Variants in FAM153A observed in about 807,000 individuals in gnomAD.
The protein encoded by FAM153A is protein FAM153A.
Under a neutral mutation model 48.1 loss-of-function variants are expected in FAM153A, and 12 were observed. The observed-to-expected ratio is 0.25, with a 90% CI of 0.16 to 0.40. FAM153A has a LOEUF of 0.40. FAM153A is among the 10% of genes least tolerant of loss of function. FAM153A has a pLI of 1.00. For missense variants in FAM153A, 111 were observed against 345.8 expected, an observed-to-expected ratio of 0.32 and a Z score of 5.38; for synonymous variants, 36 against 118.2, an observed-to-expected ratio of 0.30 and a Z score of 4.51.
chr5:177,753,488 G>C (rs1266951943), upstream of FAM153A, among the ~76,000 whole-genome samples: 2 of 149,138 alleles, frequency 1.3e-5, no homozygotes, highest in African/African-American at 5.0e-5. Context: ...AACATTAAAG[G>C]AGGAAAAAGA....
the FAM153A span, among the ~76,000 whole-genome samples, chr5:177,698,855 G>A: frequency 1.5e-4 from 23 of 151,762 alleles, no homozygotes; most frequent in Non-Finnish European, 2.8e-4. Flanking sequence ...ATGGGCTTTC[G>A]CCATGTTGCC....
chr5:177,696,780 C>T, the FAM153A span, among the ~76,000 whole-genome samples: 1 of 151,670 alleles, frequency 6.6e-6, no homozygotes, highest in Non-Finnish European at 1.5e-5. Flanking sequence ...GATCCTCCCA[C>T]CTCAACCTCC....
intron 2 of FAM153A, chr5:177,750,298 C>G (rs1025515405): frequency 6.5e-6 from 1 of 154,440 alleles, no homozygotes; most frequent in African/African-American, 2.4e-5. Context: ...ATTATTCCGT[C>G]AGGGTGACAA....
downstream of FAM153A, chr5:177,718,616 T>G (rs1232922271): frequency 1.5e-5 from 2 of 133,314 alleles, no homozygotes; most frequent in African/African-American, 5.3e-5. Flanking sequence ...TTAATAAAAT[T>G]AAGAAAAAAT....
chr5:177,701,572 T>C, the FAM153A span, among the ~76,000 whole-genome samples: 1 of 138,934 alleles, frequency 7.2e-6, no homozygotes, highest in African/African-American at 2.7e-5. Context: ...CAAAAATAAA[T>C]AGATAAATTT....
At chr5:177,769,948 A>C (rs565066291) in intron 1 of FAM153A, among the ~76,000 whole-genome samples, 1 of 96,394 alleles carries the variant, frequency 1.0e-5, no homozygotes, top group South Asian at 3.8e-4. Context: ...TGCTGCCAGA[A>C]TGTTCCAATG....
chr5:177,718,576 C>T (rs1383533641), downstream of FAM153A: 4 of 134,628 alleles, frequency 3.0e-5, 1 homozygote, highest in Non-Finnish European at 5.1e-5. Context: ...AAATGATCAT[C>T]GTAAGACATT....
chr5:177,715,505 C>T (rs1199698583), intron 25 of FAM153A, among the ~76,000 whole-genome samples: 10 of 151,446 alleles, frequency 6.6e-5, no homozygotes, highest in Non-Finnish European at 1.5e-4. Flanking sequence ...TTAAGGCTGA[C>T]CTACAGATAG....
the FAM153A span, among the ~76,000 whole-genome samples, chr5:177,696,051 C>T: frequency 1.4e-5 from 2 of 142,758 alleles, no homozygotes; most frequent in Non-Finnish European, 3.1e-5. Flanking sequence ...CAGAGGCGCT[C>T]CTCACTTCCC....
upstream of FAM153A, among the ~76,000 whole-genome samples, chr5:177,755,588 A>C (rs1211311202): frequency 6.6e-6 from 1 of 151,768 alleles, no homozygotes; most frequent in Admixed American, 6.6e-5. Context: ...CCAGAGACAA[A>C]GGTCGGGTTA....
chr5:177,750,031 G>T (rs951147449), intron 2 of FAM153A: 2 of 148,662 alleles, frequency 1.3e-5, no homozygotes, highest in African/African-American at 5.0e-5. Context: ...AACCCTGTTC[G>T]ATGAAACCAA....
intron 1 of FAM153A, among the ~76,000 whole-genome samples, chr5:177,758,687 C>G (rs1767993682): frequency 6.6e-6 from 1 of 150,952 alleles, no homozygotes; most frequent in Admixed American, 6.6e-5. Flanking sequence ...CTACAACTAT[C>G]TGATCTTTGA....
chr5:177,755,175 C>T (rs759720943), upstream of FAM153A, among the ~76,000 whole-genome samples: 19 of 151,964 alleles, frequency 1.3e-4, no homozygotes, highest in Non-Finnish European at 1.9e-4. Context: ...GGCATGAGAA[C>T]TATGTGACAA....
upstream of FAM153A, among the ~76,000 whole-genome samples, chr5:177,758,023 G>A (rs1361327608): frequency 1.3e-5 from 2 of 151,724 alleles, no homozygotes; most frequent in Non-Finnish European, 2.9e-5. Flanking sequence ...TAGGAAAAGA[G>A]GAAGTCAAAT....
downstream of FAM153A, among the ~76,000 whole-genome samples, chr5:177,705,658 C>CTTTTTTTTTTTT (rs70994931): frequency 2.1e-4 from 17 of 79,802 alleles, no homozygotes; most frequent in Non-Finnish European, 2.8e-4. Context: ...TTTTCTTTTT[C>CTTTTTTTTTTTT]TTTTTTTTTT....
At chr5:177,746,759 G>C (rs1186462267) in intron 4 of FAM153A, among the ~76,000 whole-genome samples, 1 of 151,624 alleles carries the variant, frequency 6.6e-6, no homozygotes, top group African/African-American at 2.4e-5. Context: ...CTGACCCTCT[G>C]TTACCCAGCT....
In FAM153A at chr5:177,734,375, C is replaced by G; in HGVS notation, c.760+5G>C. On this transcript the variant is annotated splice_donor_5th_base_variant and intron_variant, in intron 14 of 20. Coordinates refer to ENST00000614127, the Ensembl canonical transcript of FAM153A. ...TCAGTATGAGAGGGGTTCCCCAATA[C>G]GTACCACGTTGTGGAACTCCCAAGG... 1.8e-6 allele frequency: 2 copies of G among 1,136,112 alleles called. No homozygotes were observed. The highest frequency in any genetic ancestry group is 2.4e-6 in the Non-Finnish European group (2 of 821,502). 70.4% of individuals were successfully genotyped at this position (1,136,112 alleles called of 1,614,324 possible). A position where few individuals can be genotyped will look rare whatever the true frequency, so the allele number is the denominator to read the frequency against.
At chr5:177,695,083 C>G in the FAM153A span, among the ~76,000 whole-genome samples, 1 of 132,418 alleles carries the variant, frequency 7.6e-6, no homozygotes, top group Admixed American at 7.3e-5. Context: ...GCCACCATGC[C>G]TGGCTAATTT....
intron 1 of FAM153A, among the ~76,000 whole-genome samples, chr5:177,761,254 C>G (rs1472710077): frequency 6.6e-6 from 1 of 151,766 alleles, no homozygotes; most frequent in Non-Finnish European, 1.5e-5. Context: ...TCACCAGCCT[C>G]GCTAGCAGCG....
Sources: gnomAD v4.1 joint callset for allele counts (sites outside exome capture counted in the v4.1 genomes callset) on GRCh38, gnomAD v4.1.1 for gene constraint, MANE v1.5 for transcripts, NCBI Gene and HGNC (gene_info 2026-07-23, HGNC 2026-07-21) for gene names.